Variants in ELAPOR1 observed in about 807,000 individuals in gnomAD.
ELAPOR1 encodes endosome/lysosome-associated apoptosis and autophagy regulator 1.
A neutral mutation model predicts 119.7 loss-of-function variants in ELAPOR1; 77 were observed. The ratio of observed to expected loss-of-function variants is 0.64; its 90% confidence interval spans 0.54 to 0.78. The LOEUF (loss-of-function observed/expected upper bound fraction) is 0.78, where lower values mean the gene tolerates loss of function less well. Among genes scored for constraint, ELAPOR1 ranks in the 30% least tolerant of loss-of-function variants. The pLI is 0.00. For missense variants in ELAPOR1, 1,115 were observed against 1,270.4 expected (o/e 0.88, Z 1.86); for synonymous variants, 481 against 487.2 (o/e 0.99, Z 0.17).
intron 1 of ELAPOR1, among the ~76,000 whole-genome samples, chr1:109,152,695 C>A (rs775497842): frequency 1.2e-4 from 19 of 152,024 alleles, no homozygotes; most frequent in Non-Finnish European, 2.8e-4. Context: ...TGAATCCCAG[C>A]ACTTTGGGAG....
intron 1 of ELAPOR1, among the ~76,000 whole-genome samples, chr1:109,131,335 A>T (rs1230299308): frequency 6.6e-6 from 1 of 152,140 alleles, no homozygotes; most frequent in Non-Finnish European, 1.5e-5. Flanking sequence ...CTTTTACCAC[A>T]TTCTGTTCAT....
chr1:109,169,197 CAG>C (rs960201380), intron 3 of ELAPOR1, among the ~76,000 whole-genome samples: 3 of 152,088 alleles, frequency 2.0e-5, no homozygotes, highest in South Asian at 2.1e-4. Context: ...CTGACAAACA[CAG>C]GGGGAAATCT....
At chr1:109,172,163 C>A in intron 4 of ELAPOR1, 150 bp downstream of exon 4, 1 of 994,642 alleles carries the variant, frequency 1.0e-6, no homozygotes, top group South Asian at 1.6e-5. Context: ...TGAGCTGAGG[C>A]CCAGGAGGCA....
chr1:109,116,307 T>A (rs2100946764), intron 1 of ELAPOR1, among the ~76,000 whole-genome samples: 1 of 152,320 alleles, frequency 6.6e-6, no homozygotes, highest in Admixed American at 6.5e-5. Flanking sequence ...ATTTGTAGAA[T>A]GGGTATCAAA....
At chr1:109,166,897 C>T (rs994541541) in intron 3 of ELAPOR1, among the ~76,000 whole-genome samples, 2 of 152,214 alleles carry the variant, frequency 1.3e-5, no homozygotes, top group African/African-American at 4.8e-5. Context: ...TTGTATTACA[C>T]TTGGATTTCT....
rs745529354 is a variant in ELAPOR1 at position 109,173,794 on chromosome 1, A to G, written c.909A>G (p.Lys303=). Residue 303 remains lysine (K), a synonymous_variant, in exon 7 of 22, where the codon AAA becomes AAG. Transcript: ENST00000369939. ...KLCPANSYSN[K]GETSCHQCDP... is the part of the protein sequence containing the mutation. ...GCCCAGCCAACTCTTATTCAAATAA[A>G]GGAGAAACTTCTTGCCACCAGTGTG... 1.7e-5 allele frequency: 28 copies of G among 1,614,064 alleles called. 2 individuals carry two copies. In the Admixed American group the frequency reaches 4.3e-4, roughly 25 times the overall value.
chr1:109,164,916 T>C (rs1651491110), intron 3 of ELAPOR1, among the ~76,000 whole-genome samples: 1 of 152,062 alleles, frequency 6.6e-6, no homozygotes, highest in South Asian at 2.1e-4. Flanking sequence ...TGGACAGGCA[T>C]TTGTGGGAGG....
intron 1 of ELAPOR1, 117 bp from the exon 2 acceptor site, chr1:109,161,777 A>C: frequency 1.9e-5 from 24 of 1,269,774 alleles, no homozygotes; most frequent in Non-Finnish European, 2.5e-5. Flanking sequence ...CCGGGGTCCC[A>C]GGGCCCATTT....
rs568783891 is a variant in ELAPOR1, at chr1:109,170,340, C to T, written c.468-1526C>T. ...GTGATGGGTCGGGGAGTGTTCATTACACCATTGTATAGGTCTTACATATTT... is the reference window on the plus strand; with the variant it reads ...GTGATGGGTCGGGGAGTGTTCATTATACCATTGTATAGGTCTTACATATTT... On this transcript the variant is annotated intron_variant, in intron 3 of 21. Transcript: ENST00000369939. 4.1e-4 allele frequency among the ~76,000 whole-genome samples: 62 copies of T among 152,100 alleles called. 1 individual carries two copies. Among genetic ancestry groups the T allele is most frequent in the Non-Finnish European group, 8.2e-4 (56 of 68,032 alleles).
intron 1 of ELAPOR1, chr1:109,161,634 C>A: frequency 3.5e-6 from 1 of 287,180 alleles, no homozygotes. Flanking sequence ...TCCATAAGGA[C>A]ACTACTTAAA....
chr1:109,193,061 C>T (rs1169424502), intron 14 of ELAPOR1, among the ~76,000 whole-genome samples, 187 bp downstream of exon 14: 1 of 152,016 alleles, frequency 6.6e-6, no homozygotes, highest in Non-Finnish European at 1.5e-5. Flanking sequence ...GGCTTAATTT[C>T]CAGGGTCCAG....
intron 3 of ELAPOR1, among the ~76,000 whole-genome samples, chr1:109,165,370 T>G (rs1485489625): frequency 6.6e-6 from 1 of 152,008 alleles, no homozygotes; most frequent in Non-Finnish European, 1.5e-5. Flanking sequence ...GTGGATCACT[T>G]GAGGTCAGGA....
At chr1:109,122,050 G>A (rs1400359366) in intron 1 of ELAPOR1, among the ~76,000 whole-genome samples, 1 of 151,106 alleles carries the variant, frequency 6.6e-6, no homozygotes, top group African/African-American at 2.4e-5. Flanking sequence ...GGGATTACAG[G>A]CATGAGCCAC....
intron 1 of ELAPOR1, among the ~76,000 whole-genome samples, chr1:109,154,669 A>G (rs2101026676): frequency 6.6e-6 from 1 of 152,344 alleles, no homozygotes; most frequent in Middle Eastern, 3.4e-3. Context: ...CCTGGCAGGA[A>G]GAAGAAGGCT....
intron 1 of ELAPOR1, among the ~76,000 whole-genome samples, chr1:109,151,873 T>A (rs1258494657): frequency 6.3e-5 from 1 of 15,814 alleles, no homozygotes; most frequent in Non-Finnish European, 1.5e-4. Context: ...AGCCTCATCC[T>A]TTTTTTTTTT....
intron 3 of ELAPOR1, among the ~76,000 whole-genome samples, chr1:109,167,398 T>C (rs996270966): frequency 2.0e-5 from 3 of 152,130 alleles, no homozygotes; most frequent in African/African-American, 7.2e-5. Flanking sequence ...GGAGAGGAAA[T>C]GGCCATCTGG....
At chr1:109,162,167 T>C (rs1235789243) in intron 2 of ELAPOR1, among the ~76,000 whole-genome samples, 153 bp downstream of exon 2, 1 of 152,222 alleles carries the variant, frequency 6.6e-6, no homozygotes, top group Admixed American at 6.5e-5. Context: ...CAGACCCTTA[T>C]GAGATTTGGT....
At chr1:109,180,332 G>A (rs1652615740) in intron 7 of ELAPOR1, among the ~76,000 whole-genome samples, 1 of 152,100 alleles carries the variant, frequency 6.6e-6, no homozygotes, top group Admixed American at 6.6e-5. Context: ...CTGTGCCTCC[G>A]TTTCTTTGTC....
chr1:109,158,309 CT>C (rs386368020), intron 1 of ELAPOR1, among the ~76,000 whole-genome samples: 450 of 131,606 alleles, frequency 3.4e-3, no homozygotes, highest in East Asian at 5.3e-3. Context: ...TGACAGTTTT[CT>C]TTTTTTTTTT....
Sources: gnomAD v4.1 joint callset for allele counts (sites outside exome capture counted in the v4.1 genomes callset) on GRCh38, gnomAD v4.1.1 for gene constraint, MANE v1.5 for transcripts, NCBI Gene and HGNC (gene_info 2026-07-23, HGNC 2026-07-21) for gene names.